Variants in RIT2 observed in about 807,000 individuals in gnomAD.
RIT2 encodes GTP-binding protein Rit2.
RIT2 carries 24 observed loss-of-function variants against 23.7 expected under a neutral mutation model. That is an observed-to-expected ratio of 1.01 (90% confidence interval 0.73 to 1.43). RIT2 has a LOEUF of 1.43. Ranked by LOEUF, RIT2 falls within the 40% of genes most tolerant of loss-of-function variation. The pLI is 0.00. For synonymous variants in RIT2, 107 were observed against 91.1 expected (o/e 1.17, Z -0.99); for missense variants, 236 against 266.9 (o/e 0.88, Z 0.81).
At chr18:42,800,546 G>A (rs1194979626) in intron 4 of RIT2, among the ~76,000 whole-genome samples, 4 of 137,558 alleles carry the variant, frequency 2.9e-5, no homozygotes, top group Middle Eastern at 4.2e-3. Flanking sequence ...TCTTTTAGAC[G>A]GAGTCTCGCT....
intron 4 of RIT2, among the ~76,000 whole-genome samples, chr18:42,765,825 C>A (rs1037772235): frequency 5.9e-5 from 9 of 152,082 alleles, no homozygotes; most frequent in African/African-American, 2.2e-4. Context: ...TTGGGAGTAA[C>A]CCAGTTTTCG....
chr18:42,770,774 T>G (rs910920938), intron 4 of RIT2, among the ~76,000 whole-genome samples: 1 of 149,602 alleles, frequency 6.7e-6, no homozygotes, highest in Non-Finnish European at 1.5e-5. Context: ...ATACAATCTT[T>G]TCACTGACAC....
chr18:42,992,719 A>G (rs1446396384), intron 2 of RIT2, among the ~76,000 whole-genome samples: 1 of 152,132 alleles, frequency 6.6e-6, no homozygotes, highest in African/African-American at 2.4e-5. Flanking sequence ...CTAAAGGTAT[A>G]GTCAAGGTTA....
intron 4 of RIT2, among the ~76,000 whole-genome samples, chr18:42,911,353 A>G (rs1433018642): frequency 2.6e-5 from 4 of 152,000 alleles, no homozygotes; most frequent in Non-Finnish European, 5.9e-5. Context: ...TGTAAACAGG[A>G]GAATAGGAAA....
chr18:43,029,732 G>T (rs916716366), intron 2 of RIT2, among the ~76,000 whole-genome samples: 1 of 151,900 alleles, frequency 6.6e-6, no homozygotes, highest in African/African-American at 2.4e-5. Context: ...CATTTGTTAA[G>T]GAAATAATAT....
chr18:42,881,814 G>A (rs551971102), intron 4 of RIT2, among the ~76,000 whole-genome samples: 38 of 152,048 alleles, frequency 2.5e-4, no homozygotes, highest in African/African-American at 8.7e-4. Flanking sequence ...GTTTTCCAAG[G>A]TCCAGAATTA....
chr18:42,987,628 T>C (rs193195064), intron 2 of RIT2, among the ~76,000 whole-genome samples: 15 of 152,318 alleles, frequency 9.8e-5, no homozygotes, highest in Admixed American at 5.2e-4. Context: ...CCATTATTCA[T>C]ACCATCCCTA....
intron 4 of RIT2, among the ~76,000 whole-genome samples, chr18:42,747,626 C>T (rs1353397350): frequency 6.6e-6 from 1 of 151,842 alleles, no homozygotes; most frequent in Non-Finnish European, 1.5e-5. Context: ...GGAGGCATCA[C>T]GTTACATTGA....
chr18:42,824,757 A>ATG (rs113714294), intron 4 of RIT2, among the ~76,000 whole-genome samples: 34,913 of 148,522 alleles, frequency 0.24, 4,235 homozygotes, highest in Middle Eastern at 0.32. Flanking sequence ...CTTTGTGTGT[A>ATG]TGTGTGTGTG....
intron 4 of RIT2, among the ~76,000 whole-genome samples, chr18:42,810,799 A>G (rs1905830336): frequency 6.6e-6 from 1 of 152,054 alleles, no homozygotes; most frequent in Non-Finnish European, 1.5e-5. Context: ...TATGAAGCCC[A>G]TAAACCTTCA....
At chr18:43,014,539 A>G (rs1911427397) in intron 2 of RIT2, among the ~76,000 whole-genome samples, 1 of 151,708 alleles carries the variant, frequency 6.6e-6, no homozygotes, top group South Asian at 2.1e-4. Context: ...ATCACTCTGG[A>G]GACTTTTTTT....
At chr18:43,072,985 A>G (rs1280497141) in intron 1 of RIT2, among the ~76,000 whole-genome samples, 1 of 152,182 alleles carries the variant, frequency 6.6e-6, no homozygotes, top group Non-Finnish European at 1.5e-5. Context: ...TGCTCCCCAT[A>G]TACCCTTTCC....
At chr18:43,003,860 G>A (rs1173356486) in intron 2 of RIT2, among the ~76,000 whole-genome samples, 1 of 150,004 alleles carries the variant, frequency 6.7e-6, no homozygotes, top group Admixed American at 6.6e-5. Context: ...TTGTCAGTAT[G>A]GTCTAGAATA....
At chr18:42,907,177 T>C (rs1908645720) in intron 4 of RIT2, among the ~76,000 whole-genome samples, 1 of 152,214 alleles carries the variant, frequency 6.6e-6, no homozygotes, top group Admixed American at 6.5e-5. Context: ...AGACTAGTCA[T>C]GTAGGCAGAT....
intron 2 of RIT2, among the ~76,000 whole-genome samples, chr18:42,996,485 A>T (rs1282078701): frequency 2.0e-5 from 3 of 152,028 alleles, no homozygotes; most frequent in African/African-American, 7.2e-5. Flanking sequence ...GCATTAACTG[A>T]TGACATTCCA....
At chr18:43,113,054 A>G (rs575120736) in intron 1 of RIT2, among the ~76,000 whole-genome samples, 2 of 152,304 alleles carry the variant, frequency 1.3e-5, no homozygotes, top group African/African-American at 4.8e-5. Flanking sequence ...TGATCATGCC[A>G]CTGCACCCCA....
At chr18:42,795,556 G>C in intron 4 of RIT2, among the ~76,000 whole-genome samples, 1 of 152,236 alleles carries the variant, frequency 6.6e-6, no homozygotes, top group East Asian at 1.9e-4. Flanking sequence ...TCCCGGATGA[G>C]CGCAGCCCCC....
At chr18:43,015,875 T>C (rs1911463596) in intron 2 of RIT2, among the ~76,000 whole-genome samples, 1 of 151,744 alleles carries the variant, frequency 6.6e-6, no homozygotes, top group South Asian at 2.1e-4. Flanking sequence ...AATATGACAG[T>C]ATATGGAAGC....
rs562004126 is a variant in RIT2, at chr18:43,004,618, C to T, written c.160+29193G>A. Among the ~76,000 whole-genome samples the T allele has an allele frequency of 3.3e-5, 5 of 151,864 alleles. No homozygotes were observed. In the South Asian group the frequency reaches 1.0e-3, roughly 31 times the overall value. On this transcript the variant is annotated intron_variant, in intron 2 of 4. Coordinates refer to ENST00000326695, the MANE Select transcript of RIT2 (RefSeq NM_002930.4). ...ATTCTGCTGACTCTGAGCTTTGCTC[C>T]TATACTAATCTTTTCTCTGGAATGA...
Sources: gnomAD v4.1 joint callset for allele counts (sites outside exome capture counted in the v4.1 genomes callset) on GRCh38, gnomAD v4.1.1 for gene constraint, MANE v1.5 for transcripts, NCBI Gene and HGNC (gene_info 2026-07-23, HGNC 2026-07-21) for gene names.